Variants in SPRED1 observed in about 807,000 individuals in gnomAD.
The protein encoded by SPRED1 is sprouty-related, EVH1 domain-containing protein 1.
Under a neutral mutation model 52.3 loss-of-function variants are expected in SPRED1, and 18 were observed. The observed-to-expected ratio is 0.34, with a 90% CI of 0.24 to 0.51. The LOEUF (loss-of-function observed/expected upper bound fraction) is 0.51. Ranked by LOEUF, SPRED1 falls within the 20% of genes least tolerant of loss-of-function variation. The pLI is 0.97. For synonymous variants in SPRED1, 155 were observed against 179.7 expected (o/e 0.86, Z 1.10); for missense variants, 485 against 551.0 (o/e 0.88, Z 1.20).
intron 1 of SPRED1, among the ~76,000 whole-genome samples, chr15:38,283,161 C>T (rs1471006803): frequency 6.6e-6 from 1 of 152,000 alleles, no homozygotes; most frequent in African/African-American, 2.4e-5. Flanking sequence ...TGACAGAAGG[C>T]GAAGGGGAAG....
intron 2 of SPRED1, among the ~76,000 whole-genome samples, chr15:38,308,917 G>A (rs1895306267): frequency 6.6e-6 from 1 of 151,978 alleles, no homozygotes; most frequent in African/African-American, 2.4e-5. Flanking sequence ...TTCTAGAGTG[G>A]GTTTATCATG....
Position 38,252,840 on chromosome 15 carries a change from CGCTCCACCCCAGTG to C in SPRED1, c.-342_-329del, listed in dbSNP as rs1319571910. The C allele has an allele frequency of 1.2e-4, 45 of 374,344 alleles. No individual in the cohort carries two copies. Among genetic ancestry groups the C allele is most frequent in the Non-Finnish European group, 1.9e-4 (38 of 200,472 alleles). 23.2% of individuals were successfully genotyped at this position (374,344 alleles called of 1,614,324 possible). Reference sequence around the variant, plus strand: ...ACTCCTTCCTGGCCGGACCCCGCTGCGCTCCACCCCAGTGGCTGGAGGAGCAGCTCTCCAGTCAG... The same window carrying C: ...ACTCCTTCCTGGCCGGACCCCGCTGCGCTGGAGGAGCAGCTCTCCAGTCAG... On this transcript the variant is annotated 5_prime_UTR_variant, in exon 1 of 7. Coordinates refer to ENST00000299084, the MANE Select transcript of SPRED1 (RefSeq NM_152594.3).
At chr15:38,296,306 A>C (rs899015335) in intron 1 of SPRED1, among the ~76,000 whole-genome samples, 24 of 152,166 alleles carry the variant, frequency 1.6e-4, no homozygotes, top group African/African-American at 5.8e-4. Context: ...TAGGGCTTGT[A>C]AAAATTTCTG....
At chr15:38,329,411 G>T (rs1329324518) in intron 4 of SPRED1, among the ~76,000 whole-genome samples, 1 of 152,156 alleles carries the variant, frequency 6.6e-6, no homozygotes, top group African/African-American at 2.4e-5. Context: ...TTCATGTAAT[G>T]ATTTTCAAAG....
Position 38,356,892 on chromosome 15 carries a change from T to C in SPRED1, c.*5228T>C, listed in dbSNP as rs1431651674. ...ACTAGAATAAGTTGGATTACTATAT[T>C]ATAGTTTATTTGAAAAATCAAGGAG... On this transcript the variant is annotated 3_prime_UTR_variant, in exon 7 of 7. Transcript: ENST00000299084. 6.6e-6 allele frequency: 1 copy of C among 152,190 alleles called. No homozygotes were observed. The highest frequency in any genetic ancestry group is 1.9e-4 in the East Asian group (1 of 5,202). The allele number at this position is 152,190 out of a possible 1,614,324, so 9.4% of individuals were successfully genotyped here.
intron 3 of SPRED1, among the ~76,000 whole-genome samples, chr15:38,323,645 G>C (rs1291625070): frequency 6.6e-6 from 1 of 151,644 alleles, no homozygotes; most frequent in African/African-American, 2.4e-5. Context: ...AAAAATACAT[G>C]ATGTTCTGTG....
At chr15:38,317,989 TAGATA>T (rs930922882) in intron 2 of SPRED1, among the ~76,000 whole-genome samples, 30 of 152,058 alleles carry the variant, frequency 2.0e-4, no homozygotes, top group African/African-American at 7.2e-4. Flanking sequence ...TTGTGTCACT[TAGATA>T]AATAAGAAAA....
intron 5 of SPRED1, among the ~76,000 whole-genome samples, chr15:38,346,099 A>AG (rs1219970669): frequency 6.6e-6 from 1 of 152,058 alleles, no homozygotes; most frequent in Non-Finnish European, 1.5e-5. Flanking sequence ...GCACTATGGG[A>AG]GGTCGAGGTA....
chr15:38,338,511 A>G (rs1490283573), intron 4 of SPRED1, among the ~76,000 whole-genome samples: 4 of 152,120 alleles, frequency 2.6e-5, no homozygotes, highest in African/African-American at 9.7e-5. Context: ...AACTGTCACA[A>G]CACATTGGGA....
chr15:38,266,537 G>T (rs1185858438), intron 1 of SPRED1, among the ~76,000 whole-genome samples: 1 of 152,128 alleles, frequency 6.6e-6, no homozygotes, highest in African/African-American at 2.4e-5. Flanking sequence ...AGCTACTCGG[G>T]AGTCTGAGGC....
intron 3 of SPRED1, among the ~76,000 whole-genome samples, chr15:38,323,693 C>T (rs1002909426): frequency 6.6e-6 from 1 of 151,858 alleles, no homozygotes; most frequent in African/African-American, 2.4e-5. Flanking sequence ...TTTGGTTTGA[C>T]GCCATACTCT....
At chr15:38,264,804 G>A (rs567999966) in intron 1 of SPRED1, among the ~76,000 whole-genome samples, 1 of 152,156 alleles carries the variant, frequency 6.6e-6, no homozygotes, top group South Asian at 2.1e-4. Flanking sequence ...AAAAGGGAAG[G>A]GTTTAGCTGG....
chr15:38,335,222 T>C (rs957713285), intron 4 of SPRED1, among the ~76,000 whole-genome samples: 2 of 152,088 alleles, frequency 1.3e-5, no homozygotes, highest in African/African-American at 4.8e-5. Context: ...CTAATACTTA[T>C]TCTCCTCCCT....
rs892637627 is a variant in SPRED1 at position 38,317,637 on chromosome 15, A to C, written c.208-4604A>C. Among the ~76,000 whole-genome samples the C allele has an allele frequency of 2.6e-4, 40 of 152,112 alleles. 1 individual carries two copies. The highest frequency in any genetic ancestry group is 9.4e-4 in the African/African-American group (39 of 41,572). ...CTACATTGGGCTAAAGTCAGAACTT[A>C]GTGTTCTGATATAGTTGAGAAGGGA... On this transcript the variant is annotated intron_variant, in intron 2 of 6. Coordinates refer to ENST00000299084, the MANE Select transcript of SPRED1 (RefSeq NM_152594.3).
rs953898622 is a variant in SPRED1 at position 38,352,827 on chromosome 15, G to T, written c.*1163G>T. 1 of 151,920 alleles carries T rather than the reference G, an allele frequency of 6.6e-6. No individual in the cohort carries two copies. The highest frequency in any genetic ancestry group is 1.5e-5 in the Non-Finnish European group (1 of 67,916). 9.4% of individuals were successfully genotyped at this position (151,920 alleles called of 1,614,324 possible). A position where few individuals can be genotyped will look rare whatever the true frequency, so the allele number is the denominator to read the frequency against. The stretch of plus-strand genomic sequence containing the variant: ...TTACATTTTATTTTTATTTAAACTG[G>T]CCAAAAGCAAAATTATTTTATGTTA... On this transcript the variant is annotated 3_prime_UTR_variant, in exon 7 of 7. Coordinates refer to ENST00000299084, the MANE Select transcript of SPRED1 (RefSeq NM_152594.3).
chr15:38,316,133 A>G (rs1035699609), intron 2 of SPRED1, among the ~76,000 whole-genome samples: 1 of 151,982 alleles, frequency 6.6e-6, no homozygotes, highest in South Asian at 2.1e-4. Context: ...CTTTTCACTC[A>G]TATAAAAATC....
chr15:38,303,922 C>T (rs1895198993), intron 2 of SPRED1, among the ~76,000 whole-genome samples: 1 of 152,012 alleles, frequency 6.6e-6, no homozygotes, highest in South Asian at 2.1e-4. Flanking sequence ...AGAAATATTT[C>T]CAGTTTAAGA....
intron 5 of SPRED1, among the ~76,000 whole-genome samples, chr15:38,341,320 TCTA>T (rs1360351425): frequency 1.3e-5 from 2 of 152,072 alleles, no homozygotes; most frequent in Non-Finnish European, 2.9e-5. Context: ...GCTTCTAACT[TCTA>T]TTTGCCTACA....
At chr15:38,314,056 A>G (rs1436992579) in intron 2 of SPRED1, among the ~76,000 whole-genome samples, 2 of 151,888 alleles carry the variant, frequency 1.3e-5, no homozygotes, top group Non-Finnish European at 3.0e-5. Flanking sequence ...TAGAGATGAT[A>G]GCCTATGCAA....
Sources: allele counts gnomAD v4.1 joint callset (sites outside exome capture counted in the v4.1 genomes callset), GRCh38; gene constraint gnomAD v4.1.1; transcripts MANE v1.5; gene names NCBI Gene and HGNC (gene_info 2026-07-23, HGNC 2026-07-21).